The following COCH variants were observed in gnomAD, a reference collection of about 807,000 sequenced individuals.
COCH encodes the protein cochlin.
A neutral mutation model predicts 54.8 loss-of-function variants in COCH; 40 were observed. That is an observed-to-expected ratio of 0.73 (90% CI 0.57 to 0.95). The LOEUF (loss-of-function observed/expected upper bound fraction) is 0.95. Ranked by LOEUF, COCH falls within the 40% of genes least tolerant of loss-of-function variation. COCH has a pLI of 0.00. For synonymous variants in COCH, 256 were observed against 237.9 expected (o/e 1.08, Z -0.70); for missense variants, 605 against 675.0 (o/e 0.90, Z 1.15).
intron 8 of COCH, among the ~76,000 whole-genome samples, chr14:30,882,091 TATGCCCTAGAG>T (rs1895614171): frequency 6.8e-6 from 1 of 145,992 alleles, no homozygotes; most frequent in African/African-American, 2.5e-5. Context: ...CTCTAAATCA[TATGCCCTAGAG>T]ATAATCACTA....
At position 30,889,818 on chromosome 14, in the gene COCH, A is replaced by T. The variant is rs13122; in HGVS notation, c.*27A>T. 459,754 of 1,604,474 alleles carry T rather than the reference A, an allele frequency of 0.29. 70,135 individuals carry two copies. The highest frequency in any genetic ancestry group is 0.33 in the Middle Eastern group (1,921 of 5,744). On this transcript the variant is annotated 3_prime_UTR_variant, in exon 12 of 12. Transcript: ENST00000396618. Reference sequence around the variant, plus strand: ...GGTAACATTTTGACAACTGAAAGAAAAAGTACAAGGGGATCCAGTGTGTAA... The same window carrying T: ...GGTAACATTTTGACAACTGAAAGAATAAGTACAAGGGGATCCAGTGTGTAA...
At chr14:30,886,885 T>G (rs558649159) in intron 11 of COCH, among the ~76,000 whole-genome samples, 9 of 152,266 alleles carry the variant, frequency 5.9e-5, no homozygotes, top group Admixed American at 5.2e-4. Context: ...CCCTGGCTAA[T>G]TTTTAAATTT....
chr14:30,891,009 A>T (rs1895965155), downstream of COCH, among the ~76,000 whole-genome samples: 2 of 151,266 alleles, frequency 1.3e-5, no homozygotes, highest in Admixed American at 6.6e-5. Flanking sequence ...ACTGCACTCC[A>T]GCTTGGGTGA....
At chr14:30,893,149 A>ATTTTT (rs754080275), downstream of COCH, among the ~76,000 whole-genome samples, 13 of 91,246 alleles carry the variant, frequency 1.4e-4, no homozygotes, top group African/African-American at 4.9e-4. Flanking sequence ...AAAAACCACA[A>ATTTTT]TTTTTTTTTT....
chr14:30,893,849 T>C (rs749347214), downstream of COCH: 3 of 152,622 alleles, frequency 2.0e-5, no homozygotes. Flanking sequence ...TGCACTTTAT[T>C]ATTCAACACA....
intron 11 of COCH, 197 bp from the exon 12 acceptor site, chr14:30,889,419 T>G: frequency 3.5e-6 from 2 of 576,762 alleles, no homozygotes; most frequent in East Asian, 3.0e-5. Flanking sequence ...TAGCAGAGTT[T>G]CTGGTTTGGA....
At chr14:30,881,359 A>C (rs939949279) in intron 8 of COCH, among the ~76,000 whole-genome samples, 1 of 152,240 alleles carries the variant, frequency 6.6e-6, no homozygotes, top group African/African-American at 2.4e-5. Flanking sequence ...CCAAACTGTA[A>C]GTTCAGGATC....
chr14:30,892,343 T>C (rs77009868), downstream of COCH, among the ~76,000 whole-genome samples: 514 of 152,290 alleles, frequency 3.4e-3, 6 homozygotes, highest in African/African-American at 0.012. Flanking sequence ...ACATTTCAGA[T>C]CAATGATAAT....
downstream of COCH, among the ~76,000 whole-genome samples, chr14:30,890,962 CGAG>C (rs1408616982): frequency 6.6e-6 from 1 of 151,792 alleles, no homozygotes; most frequent in African/African-American, 2.4e-5. Context: ...CTGCTTGAGC[CGAG>C]GAGGTCAAGG....
At chr14:30,882,794 T>C (rs950155050) in intron 8 of COCH, among the ~76,000 whole-genome samples, 1 of 152,086 alleles carries the variant, frequency 6.6e-6, no homozygotes, top group African/African-American at 2.4e-5. Context: ...GAGGCTGAGG[T>C]GTGAGGATCT....
chr14:30,875,486 T>C, intron 3 of COCH: 1 of 514,408 alleles, frequency 1.9e-6, no homozygotes, highest in Non-Finnish European at 3.4e-6. Context: ...CGTTTGGGGG[T>C]GGAGGAGAAG....
rs773617215 is a variant in COCH, at chr14:30,880,474, C to T, written c.459C>T (p.Pro153=). ...CAGGTAAACGACTAAAGAAAACACC[C>T]GAGAAGAAAACTGGCAATAAAGGTA... ...PPTGKRLKKT[P]EKKTGNKDCK... The change falls in exon 7 of 12, where the codon CCC becomes CCT. Residue 153 remains proline (P), a synonymous_variant. Coordinates refer to ENST00000396618, the MANE Select transcript of COCH (RefSeq NM_004086.3). 5.0e-6 allele frequency: 8 copies of T among 1,613,842 alleles called. No homozygotes were observed. Among genetic ancestry groups the T allele is most frequent in the South Asian group, 3.3e-5 (3 of 91,036 alleles).
Position 30,889,857 on chromosome 14 carries a change from A to T in COCH, c.*66A>T. 1.3e-6 allele frequency: 2 copies of T among 1,557,598 alleles called. No homozygotes were observed. The highest frequency in any genetic ancestry group is 1.7e-6 in the Non-Finnish European group (2 of 1,150,218). ...TCCAGTGTGTAAATTGTATTCTCAT[A>T]ATACTGAAATGCTTTAGCATACTAG... On this transcript the variant is annotated 3_prime_UTR_variant, in exon 12 of 12. Transcript: ENST00000396618.
At chr14:30,888,966 T>A (rs1244106457) in intron 11 of COCH, among the ~76,000 whole-genome samples, 1 of 152,112 alleles carries the variant, frequency 6.6e-6, no homozygotes, top group Non-Finnish European at 1.5e-5. Flanking sequence ...TTTCATAAGA[T>A]CCCTCTTGGG....
Position 30,877,842 on chromosome 14 carries a change from G to A in COCH, c.239+114G>A, listed in dbSNP as rs1048263369. The A allele has an allele frequency of 8.4e-6, 13 of 1,541,336 alleles. No homozygotes were observed. Among genetic ancestry groups the A allele is most frequent in the South Asian group, 3.5e-5 (3 of 85,962 alleles). ...CATTCTTTCTTTTGTTGCCATTGTG[G>A]CCACAGAAAATGGATATATTTTCAC... is the stretch of plus-strand genomic sequence containing the variant. On this transcript the variant is annotated intron_variant, in intron 4 of 11. Transcript: ENST00000396618. This position sits in a 1 kb window ranked among gnomAD's most constrained non-coding sequence, Gnocchi z 8.6.
At position 30,889,643 on chromosome 14, in the gene COCH, C is replaced by T; in HGVS notation, c.1505C>T (p.Ala502Val). The T allele has an allele frequency of 6.2e-7, 1 of 1,614,004 alleles. No individual in the cohort carries two copies. The highest frequency in any genetic ancestry group is 1.1e-5 in the South Asian group (1 of 91,086). Reference protein sequence around the residue: ...AGITIFSVGVAWAPLDDLKDM... With the variant: ...AGITIFSVGVVWAPLDDLKDM... ...ATCACTATCTTCTCTGTTGGTGTGGCTTGGGCACCTCTGGATGACCTGAAA... is the reference window on the plus strand; with the variant it reads ...ATCACTATCTTCTCTGTTGGTGTGGTTTGGGCACCTCTGGATGACCTGAAA... The change falls in exon 12 of 12, where the codon GCT becomes GTT. Residue 502 changes from alanine to valine, a missense_variant. By Grantham distance (64) the Ala-to-Val change is moderately conservative (BLOSUM62 0). Transcript: ENST00000396618.
At position 30,885,978 on chromosome 14, in the gene COCH, C is replaced by A. The variant is rs781355952; in HGVS notation, c.1143C>A (p.Ser381Arg). 1.2e-6 allele frequency: 2 copies of A among 1,614,178 alleles called. No individual in the cohort carries two copies. Among genetic ancestry groups the A allele is most frequent in the South Asian group, 2.2e-5 (2 of 91,074 alleles). ...ATGGCTCCAGCAGTGTTGGAGATAGCAATTTCCGCCTCATGCTTGAATTTG... is the reference window on the plus strand; with the variant it reads ...ATGGCTCCAGCAGTGTTGGAGATAGAAATTTCCGCCTCATGCTTGAATTTG... ...LIDGSSSVGD[S>R]NFRLMLEFVS... Residue 381 changes from serine to arginine, a missense_variant, in exon 11 of 12, where the codon AGC becomes AGA. By Grantham distance (110) the Ser-to-Arg change is moderately radical. Coordinates refer to ENST00000396618, the MANE Select transcript of COCH (RefSeq NM_004086.3).
Position 30,877,821 on chromosome 14 carries a change from C to A in COCH, c.239+93C>A, listed in dbSNP as rs1293862317. The A allele has an allele frequency of 1.9e-6, 3 of 1,587,500 alleles. No individual in the cohort carries two copies. Among genetic ancestry groups the A allele is most frequent in the Non-Finnish European group, 2.6e-6 (3 of 1,168,188 alleles). ...TCTGGATCCCTTTCCTCCCTGCATT[C>A]TTTCTTTTGTTGCCATTGTGGCCAC... On this transcript the variant is annotated intron_variant, in intron 4 of 11. Transcript: ENST00000396618. The surrounding 1 kb of genome is among the most constrained non-coding windows in gnomAD (Gnocchi z 8.6).
At chr14:30,878,035 C>T (rs1279167623) in intron 4 of COCH, among the ~76,000 whole-genome samples, 1 of 152,168 alleles carries the variant, frequency 6.6e-6, no homozygotes, top group Non-Finnish European at 1.5e-5. Flanking sequence ...TTAACTTCCA[C>T]CACAACTCTA....
Sources: gnomAD v4.1 joint callset for allele counts (sites outside exome capture counted in the v4.1 genomes callset) on GRCh38, gnomAD v4.1.1 for gene constraint, Gnocchi (gnomAD v3.1) non-coding constraint, MANE v1.5 for transcripts, NCBI Gene and HGNC (gene_info 2026-07-23, HGNC 2026-07-21) for gene names.